NAV1: variants seen among roughly 807,000 people sequenced by gnomAD.
NAV1 encodes the protein pore membrane and/or filament interacting like protein 3.
NAV1 carries 18 observed loss-of-function variants against 175.2 expected under a neutral mutation model. The observed-to-expected ratio is 0.10, with a 90% CI of 0.07 to 0.15. The LOEUF is 0.15. Among genes scored for constraint, NAV1 ranks in the 10% least tolerant of loss-of-function variants. The probability of loss-of-function intolerance (pLI) is 1.00; values close to 1 mark genes in which losing one functional copy is unlikely to be tolerated. For missense variants in NAV1, 1,731 were observed against 2,436.6 expected (o/e 0.71, Z 6.10); for synonymous variants, 897 against 978.7 (o/e 0.92, Z 1.56).
At chr1:201,752,407 G>C (rs1198158318) in intron 3 of NAV1, among the ~76,000 whole-genome samples, 3 of 152,188 alleles carry the variant, frequency 2.0e-5, no homozygotes, top group South Asian at 2.1e-4. Context: ...GAATCTTAGT[G>C]GGGGAGGAAG....
intron 1 of NAV1, among the ~76,000 whole-genome samples, chr1:201,556,917 TATCTC>T (rs1031623531): frequency 7.9e-5 from 12 of 152,246 alleles, no homozygotes; most frequent in African/African-American, 2.6e-4. Flanking sequence ...TACGGGCAAA[TATCTC>T]AGGCAAAAGC....
Position 201,808,258 on chromosome 1 carries a change from T to TCTC in NAV1, c.3845+111_3845+113dup. On this transcript the variant is annotated intron_variant, in intron 18 of 29. Transcript: ENST00000367296. The surrounding 1 kb of genome is among the most constrained non-coding windows in gnomAD (Gnocchi z 5.5). ...AGACAAGCAGTACTTATTACTGACC[T>TCTC]CTCCCTGGGCATATGAGACCAACAG... The TCTC allele has an allele frequency of 7.1e-7, 1 of 1,414,744 alleles. No individual in the cohort carries two copies. The highest frequency in any genetic ancestry group is 9.7e-7 in the Non-Finnish European group (1 of 1,029,888). 87.6% of individuals were successfully genotyped at this position (1,414,744 alleles called of 1,614,324 possible). A position where few individuals can be genotyped will look rare whatever the true frequency, so the allele number is the denominator to read the frequency against.
At chr1:201,783,610 C>T (rs1676490038) in exon 7 of NAV1, 2 of 1,614,200 alleles carry the variant, frequency 1.2e-6, no homozygotes, top group Non-Finnish European at 1.7e-6. Context: ...TTAACTCAGC[C>T]AGCTTCTCCC....
At chr1:201,545,804 T>C (rs1023383013) in intron 1 of NAV1, among the ~76,000 whole-genome samples, 1 of 152,236 alleles carries the variant, frequency 6.6e-6, no homozygotes, top group African/African-American at 2.4e-5. Flanking sequence ...AAGGGATAAA[T>C]GAAGGCATAA....
At chr1:201,673,103 T>G (rs1670107405) in intron 1 of NAV1, 1 of 152,268 alleles carries the variant, frequency 6.6e-6, no homozygotes, top group Admixed American at 6.5e-5. Context: ...TAATCTACAC[T>G]CTTGCTGTTC....
chr1:201,811,645 C>T (rs769287371), exon 25 of NAV1: 11 of 1,613,870 alleles, frequency 6.8e-6, no homozygotes, highest in Non-Finnish European at 9.3e-6. Context: ...CCAGATAGAC[C>T]GGGAAACAGG....
chr1:201,776,195 A>G (rs1008933906), intron 3 of NAV1, among the ~76,000 whole-genome samples: 3 of 151,958 alleles, frequency 2.0e-5, no homozygotes, highest in African/African-American at 7.3e-5. Context: ...AAAGGATGGA[A>G]GATAAAATTG....
At chr1:201,648,566 C>T in exon 1 of NAV1, 1 of 1,260,558 alleles carries the variant, frequency 7.9e-7, no homozygotes, top group Non-Finnish European at 9.9e-7. Context: ...TCCTCTCTCT[C>T]CCCCTCCTCC....
chr1:201,691,524 T>C (rs1466944621), intron 1 of NAV1, among the ~76,000 whole-genome samples: 1 of 151,978 alleles, frequency 6.6e-6, no homozygotes, highest in Non-Finnish European at 1.5e-5. Flanking sequence ...TGAGGAAGGG[T>C]TGAACATGCA....
Position 201,812,882 on chromosome 1 carries a change from T to C in NAV1, c.5221+221T>C, listed in dbSNP as rs893422051. 2.6e-4 allele frequency among the ~76,000 whole-genome samples: 40 copies of C among 152,104 alleles called. No homozygotes were observed. The highest frequency in any genetic ancestry group is 2.0e-3 in the Admixed American group (30 of 15,276). ...CCCTCTCCTTGTTTTTTTCCCACAA[T>C]TAACAGAAAAAAGGAGGCACATATG... On this transcript the variant is annotated intron_variant, in intron 27 of 29. Coordinates refer to ENST00000367296, the Ensembl canonical transcript of NAV1. The surrounding 1 kb of genome is among the most constrained non-coding windows in gnomAD (Gnocchi z 4.6).
intron 1 of NAV1, among the ~76,000 whole-genome samples, chr1:201,707,722 A>G (rs1217041226): frequency 1.3e-5 from 2 of 152,112 alleles, no homozygotes; most frequent in Non-Finnish European, 2.9e-5. Context: ...TGTCCCTTAA[A>G]TTACTTCTCT....
At chr1:201,627,320 T>A (rs1486694095) in intron 1 of NAV1, among the ~76,000 whole-genome samples, 1 of 152,078 alleles carries the variant, frequency 6.6e-6, no homozygotes, top group Non-Finnish European at 1.5e-5. Flanking sequence ...TCGCCCAGGC[T>A]GGAGTGCAGT....
exon 30 of NAV1, chr1:201,820,050 G>C: frequency 1.1e-6 from 1 of 925,276 alleles, no homozygotes; most frequent in Non-Finnish European, 1.7e-6. Flanking sequence ...AGGAGAACAG[G>C]AGGGAGGAGG....
intron 3 of NAV1, among the ~76,000 whole-genome samples, chr1:201,768,482 T>TA (rs1385216642): frequency 6.6e-6 from 1 of 151,454 alleles, no homozygotes; most frequent in Non-Finnish European, 1.5e-5. Context: ...TACAAAAAAT[T>TA]AAAAAATTAG....
chr1:201,752,116 A>G (rs1674147532), intron 3 of NAV1, among the ~76,000 whole-genome samples: 1 of 152,202 alleles, frequency 6.6e-6, no homozygotes, highest in South Asian at 2.1e-4. Flanking sequence ...AGAGCCCTCA[A>G]CAAAGATATT....
intron 3 of NAV1, among the ~76,000 whole-genome samples, chr1:201,730,151 T>C (rs1038328160): frequency 1.3e-5 from 2 of 152,236 alleles, no homozygotes; most frequent in Non-Finnish European, 2.9e-5. Context: ...GTGTGCATAA[T>C]TCATACTGCA....
At position 201,740,107 on chromosome 1, in the gene NAV1, C is replaced by G. The variant is rs1207512633; in HGVS notation, c.1226+21352C>G. 1 of 1,426,236 alleles carries G rather than the reference C, an allele frequency of 7.0e-7. No homozygotes were observed. The highest frequency in any genetic ancestry group is 3.1e-5 in the Admixed American group (1 of 32,078). The allele number at this position is 1,426,236 out of a possible 1,614,324, so 88.3% of individuals were successfully genotyped here. On this transcript the variant is annotated intron_variant, in intron 3 of 29. Coordinates refer to ENST00000367296, the Ensembl canonical transcript of NAV1. This position sits in a 1 kb window ranked among gnomAD's most constrained non-coding sequence, Gnocchi z 4.7. The stretch of plus-strand genomic sequence containing the variant: ...CGCCCCCACCCCCCTGGCCTCACCG[C>G]CAGACCGCAGAGCTGGGGTCGGGTT...
At chr1:201,602,880 G>A (rs555570608) in intron 2 of NAV1, among the ~76,000 whole-genome samples, 1 of 152,018 alleles carries the variant, frequency 6.6e-6, no homozygotes. Context: ...GACAAGCCTG[G>A]CTCAGGCCAA....
rs151169251 is a variant in NAV1, at chr1:201,694,060, G to T, written c.758-18757G>T. On this transcript the variant is annotated intron_variant, in intron 1 of 29. Coordinates refer to ENST00000367296, the Ensembl canonical transcript of NAV1. This position sits in a 1 kb window ranked among gnomAD's most constrained non-coding sequence, Gnocchi z 4.2. ...AGTTTGGCTTCCTGGTGGGGGAGGGGACACACACAGACATCAATTCAGTCA... is the reference window on the plus strand; with the variant it reads ...AGTTTGGCTTCCTGGTGGGGGAGGGTACACACACAGACATCAATTCAGTCA... Among the ~76,000 whole-genome samples, 8 of 152,278 alleles carry T rather than the reference G, an allele frequency of 5.3e-5. No homozygotes were observed. Among genetic ancestry groups the T allele is most frequent in the African/African-American group, 1.9e-4 (8 of 41,564 alleles).
Sources: allele counts gnomAD v4.1 joint callset (sites outside exome capture counted in the v4.1 genomes callset), GRCh38; gene constraint gnomAD v4.1.1; non-coding constraint Gnocchi (gnomAD v3.1); transcripts MANE v1.5; gene names NCBI Gene and HGNC (gene_info 2026-07-23, HGNC 2026-07-21).